Variants in RAB10 observed in about 807,000 individuals in gnomAD.
RAB10 encodes the protein RAB10, member RAS oncogene family.
In RAB10, 5 loss-of-function variants were observed where a neutral mutation model predicts 25.7. The observed-to-expected ratio is 0.19, with a 90% CI of 0.10 to 0.41. The LOEUF is 0.41. RAB10 is among the 10% of genes least tolerant of loss of function. The pLI is 1.00. For synonymous variants in RAB10, 89 were observed against 86.4 expected (o/e 1.03, Z -0.16); for missense variants, 103 against 245.8 (o/e 0.42, Z 3.89).
At chr2:26,060,970 G>A (rs752072613) in intron 1 of RAB10, among the ~76,000 whole-genome samples, 3 of 151,854 alleles carry the variant, frequency 2.0e-5, no homozygotes, top group Non-Finnish European at 4.4e-5. Context: ...GTAATTTTGG[G>A]AGTGGTTATA....
intron 1 of RAB10, among the ~76,000 whole-genome samples, chr2:26,088,267 ACAT>A (rs920373909): frequency 4.6e-5 from 7 of 152,350 alleles, no homozygotes; most frequent in Admixed American, 3.9e-4. Context: ...TGCTTCTGCA[ACAT>A]CATTAAGGCA....
intron 1 of RAB10, among the ~76,000 whole-genome samples, chr2:26,090,036 G>C (rs1667070363): frequency 6.6e-6 from 1 of 151,984 alleles, no homozygotes; most frequent in African/African-American, 2.4e-5. Context: ...CCACTCCCAG[G>C]AAAAATCCCC....
chr2:26,083,946 A>C (rs989822703), intron 1 of RAB10, among the ~76,000 whole-genome samples: 3 of 152,270 alleles, frequency 2.0e-5, no homozygotes, highest in African/African-American at 7.2e-5. Context: ...TGCAAGGCTT[A>C]GACATGGAAA....
At chr2:26,118,472 C>A (rs550512694) in intron 3 of RAB10, among the ~76,000 whole-genome samples, 1 of 151,840 alleles carries the variant, frequency 6.6e-6, no homozygotes, top group Admixed American at 6.6e-5. Flanking sequence ...TTAACAGGTT[C>A]TCATGTACCT....
At chr2:26,118,544 G>T (rs977444023) in intron 3 of RAB10, among the ~76,000 whole-genome samples, 3 of 152,088 alleles carry the variant, frequency 2.0e-5, no homozygotes, top group African/African-American at 7.2e-5. Context: ...TTTCTGAATG[G>T]TTTCATTATT....
At chr2:26,045,111 G>A (rs1288360811) in intron 1 of RAB10, among the ~76,000 whole-genome samples, 11 of 151,834 alleles carry the variant, frequency 7.2e-5, no homozygotes, top group South Asian at 4.1e-4. Context: ...GAGAAGAGCC[G>A]ATGATGTTTC....
At chr2:26,070,909 A>G (rs574161038) in intron 1 of RAB10, among the ~76,000 whole-genome samples, 1 of 152,232 alleles carries the variant, frequency 6.6e-6, no homozygotes, top group Admixed American at 6.5e-5. Context: ...TTTTCATAAT[A>G]ATTCTAAGAC....
intron 3 of RAB10, 42 bp from the exon 4 acceptor site, chr2:26,127,102 A>T: frequency 7.1e-7 from 1 of 1,405,234 alleles, no homozygotes; most frequent in Non-Finnish European, 9.9e-7. Flanking sequence ...TTAAGCCGTA[A>T]TTCATGGTAG....
chr2:26,087,101 G>A (rs926585762), intron 1 of RAB10, among the ~76,000 whole-genome samples: 8 of 151,542 alleles, frequency 5.3e-5, no homozygotes, highest in Admixed American at 2.6e-4. Flanking sequence ...TTTTTTGTTC[G>A]CTTTAAAGTG....
rs536622362 is a variant in RAB10, at chr2:26,071,242, T to A, written c.128-27420T>A. Reference sequence around the variant, plus strand: ...TCAAGCAAAGGCACTTGTGAAATTGTTTGGATTGGCCACCATTTTTATAGA... The same window carrying A: ...TCAAGCAAAGGCACTTGTGAAATTGATTGGATTGGCCACCATTTTTATAGA... On this transcript the variant is annotated intron_variant, in intron 1 of 5. Transcript: ENST00000264710. Among the ~76,000 whole-genome samples the A allele has an allele frequency of 4.3e-4, 65 of 152,320 alleles. 2 individuals carry two copies. The South Asian group carries it at 0.013, about 30-fold the overall frequency.
At chr2:26,088,344 C>G (rs1667030221) in intron 1 of RAB10, among the ~76,000 whole-genome samples, 1 of 152,054 alleles carries the variant, frequency 6.6e-6, no homozygotes, top group South Asian at 2.1e-4. Flanking sequence ...TTGAGCTGGG[C>G]CCTAGGAATC....
chr2:26,041,659 A>C (rs1018210057), intron 1 of RAB10, among the ~76,000 whole-genome samples: 4 of 151,858 alleles, frequency 2.6e-5, no homozygotes, highest in African/African-American at 9.7e-5. Context: ...TAATCCCAGC[A>C]CTTTGGGAGA....
At position 26,124,853 on chromosome 2, in the gene RAB10, A is replaced by G. The variant is rs565702640; in HGVS notation, c.328-2291A>G. Among the ~76,000 whole-genome samples the G allele has an allele frequency of 1.6e-3, 248 of 152,300 alleles. 2 individuals are homozygous for G. The highest frequency in any genetic ancestry group is 6.0e-4 in the Non-Finnish European group (41 of 68,016). On this transcript the variant is annotated intron_variant, in intron 3 of 5. Coordinates refer to ENST00000264710, the MANE Select transcript of RAB10 (RefSeq NM_016131.5). ...AGGTACCTCATATAAGTGGAATCAT[A>G]TAGTATTTGTTCAATTTGTAAGTAA...
intron 1 of RAB10, among the ~76,000 whole-genome samples, chr2:26,060,129 G>A (rs1666364104): frequency 6.6e-6 from 1 of 152,144 alleles, no homozygotes; most frequent in African/African-American, 2.4e-5. Context: ...TTTGGATTTA[G>A]AATTTGTGAA....
intron 1 of RAB10, among the ~76,000 whole-genome samples, chr2:26,044,959 C>A (rs578089361): frequency 6.6e-6 from 1 of 151,216 alleles, no homozygotes; most frequent in Admixed American, 6.6e-5. Flanking sequence ...TCATCAATTT[C>A]AATTTGAAAA....
intron 3 of RAB10, among the ~76,000 whole-genome samples, chr2:26,117,489 C>T (rs1167828684): frequency 6.6e-6 from 1 of 151,898 alleles, no homozygotes; most frequent in Non-Finnish European, 1.5e-5. Context: ...GTGGCGGGTG[C>T]CTGTAGTCCC....
chr2:26,122,025 AC>A (rs1196628045), intron 3 of RAB10, among the ~76,000 whole-genome samples: 1 of 152,184 alleles, frequency 6.6e-6, no homozygotes, highest in Non-Finnish European at 1.5e-5. Flanking sequence ...ACCTTGAATA[AC>A]ACCATCAGAC....
At position 26,051,183 on chromosome 2, in the gene RAB10, T is replaced by C. The variant is rs1330858778; in HGVS notation, c.127+16448T>C. 2.6e-5 allele frequency among the ~76,000 whole-genome samples: 4 copies of C among 152,154 alleles called. 1 individual carries two copies. The highest frequency in any genetic ancestry group is 2.0e-4 in the Admixed American group (3 of 15,266). ...AACTCCTGGGCTCAATTGATCCTCCTACCTTGGCCTCCCAGAGTGCTGGGA... is the reference window on the plus strand; with the variant it reads ...AACTCCTGGGCTCAATTGATCCTCCCACCTTGGCCTCCCAGAGTGCTGGGA... On this transcript the variant is annotated intron_variant, in intron 1 of 5. Transcript: ENST00000264710.
At chr2:26,041,584 C>T (rs1011115311) in intron 1 of RAB10, among the ~76,000 whole-genome samples, 3 of 140,668 alleles carry the variant, frequency 2.1e-5, no homozygotes, top group African/African-American at 7.9e-5. Context: ...AGCTGTTTGG[C>T]TTAATAGGGC....
Sources: gnomAD v4.1 joint callset for allele counts (sites outside exome capture counted in the v4.1 genomes callset) on GRCh38, gnomAD v4.1.1 for gene constraint, MANE v1.5 for transcripts, NCBI Gene and HGNC (gene_info 2026-07-23, HGNC 2026-07-21) for gene names.